PARD3: variants seen among roughly 807,000 people sequenced by gnomAD.
PARD3 encodes par-3 family cell polarity regulator.
A neutral mutation model predicts 155.4 loss-of-function variants in PARD3; 75 were observed. The ratio of observed to expected loss-of-function variants is 0.48; its 90% CI spans 0.40 to 0.58. The LOEUF is 0.58. Among genes scored for constraint, PARD3 ranks in the 20% least tolerant of loss-of-function variants. The pLI, the probability that PARD3 is intolerant of heterozygous loss-of-function variation, is 0.00. For synonymous variants in PARD3, 576 were observed against 610.5 expected, an observed-to-expected ratio of 0.94 and a Z score of 0.83; for missense variants, 1,642 against 1,721.7, an observed-to-expected ratio of 0.95 and a Z score of 0.82.
chr10:34,211,580 G>A (rs1014891431), intron 22 of PARD3, among the ~76,000 whole-genome samples: 5 of 152,238 alleles, frequency 3.3e-5, no homozygotes, highest in African/African-American at 1.2e-4. Flanking sequence ...TCAGGAGTTC[G>A]AGACTAGCCT....
chr10:34,806,400 T>C (rs1843390378), intron 1 of PARD3, among the ~76,000 whole-genome samples: 1 of 152,122 alleles, frequency 6.6e-6, no homozygotes, highest in African/African-American at 2.4e-5. Context: ...TTCACTACTT[T>C]GGCCAGGCTC....
intron 2 of PARD3, among the ~76,000 whole-genome samples, chr10:34,637,538 T>C (rs1479147414): frequency 6.6e-6 from 1 of 152,220 alleles, no homozygotes; most frequent in Admixed American, 6.5e-5. Flanking sequence ...TTCACTACAA[T>C]GCTTTGTCAC....
intron 22 of PARD3, among the ~76,000 whole-genome samples, chr10:34,251,273 T>C (rs1033087752): frequency 2.6e-5 from 4 of 152,176 alleles, no homozygotes; most frequent in Non-Finnish European, 5.9e-5. Context: ...ATCATACCCA[T>C]GCAAAAACAA....
At chr10:34,514,502 G>A (rs2081588702) in intron 3 of PARD3, among the ~76,000 whole-genome samples, 1 of 152,158 alleles carries the variant, frequency 6.6e-6, no homozygotes. Context: ...GGTGACTCAT[G>A]TGTGATGCAT....
intron 15 of PARD3, chr10:34,344,336 G>C: frequency 1.1e-6 from 1 of 917,188 alleles, no homozygotes; most frequent in Non-Finnish European, 1.3e-6. Flanking sequence ...AGGCTGGAGT[G>C]CTGTGGTACG....
intron 22 of PARD3, among the ~76,000 whole-genome samples, chr10:34,211,728 C>T (rs906978156): frequency 2.6e-5 from 4 of 151,400 alleles, no homozygotes; most frequent in Non-Finnish European, 4.4e-5. Context: ...TGCAGTGAGC[C>T]GAGATCGAGC....
chr10:34,353,728 A>AAATAAAT lies in PARD3; in HGVS notation c.2067+5418_2067+5419insATTTATT, dbSNP rs1564620159. ...AATGATCAATAAATAAATAAATAAA[A>AAATAAAT]AAATAAATAAATAAATAAATAAAAT... On this transcript the variant is annotated intron_variant, in intron 14 of 24. Coordinates refer to ENST00000374788, the MANE Select transcript of PARD3 (RefSeq NM_001184785.2). Among the ~76,000 whole-genome samples the AAATAAAT allele has an allele frequency of 1.3e-3, 141 of 106,052 alleles. 1 individual carries two copies. The highest frequency in any genetic ancestry group is 5.3e-3 in the Middle Eastern group (1 of 190). The allele number at this position is 106,052 out of a possible 152,430, so 69.6% of individuals were successfully genotyped here.
intron 5 of PARD3, among the ~76,000 whole-genome samples, chr10:34,409,547 T>C (rs1334262794): frequency 1.3e-5 from 2 of 152,182 alleles, no homozygotes; most frequent in African/African-American, 4.8e-5. Flanking sequence ...CGCATTCCTA[T>C]ACATATTTAT....
chr10:34,652,513 C>A (rs2093042884), intron 2 of PARD3, among the ~76,000 whole-genome samples: 1 of 152,190 alleles, frequency 6.6e-6, no homozygotes, highest in African/African-American at 2.4e-5. Flanking sequence ...GTGAAGCCAG[C>A]AGGGTAGAGA....
At chr10:34,507,319 T>A (rs1053148608) in intron 3 of PARD3, among the ~76,000 whole-genome samples, 1 of 151,872 alleles carries the variant, frequency 6.6e-6, no homozygotes, top group East Asian at 1.9e-4. Flanking sequence ...TATTTCTGAG[T>A]GGGGTGCAGG....
chr10:34,311,586 T>C (rs192302809), intron 20 of PARD3, among the ~76,000 whole-genome samples: 1 of 152,334 alleles, frequency 6.6e-6, no homozygotes, highest in East Asian at 1.9e-4. Flanking sequence ...GGGCAGACTC[T>C]TTCCAGAAAC....
intron 1 of PARD3, among the ~76,000 whole-genome samples, chr10:34,759,002 G>A (rs540057185): frequency 6.6e-5 from 10 of 151,810 alleles, no homozygotes; most frequent in South Asian, 2.1e-4. Context: ...AGAAAGAGGC[G>A]GAAGGAAAAA....
chr10:34,771,175 T>C lies in PARD3; in HGVS notation c.120+43701A>G, dbSNP rs551871056. 2.6e-5 allele frequency among the ~76,000 whole-genome samples: 4 copies of C among 152,338 alleles called. No individual in the cohort carries two copies. In the South Asian group the frequency reaches 6.2e-4, roughly 24 times the overall value. On this transcript the variant is annotated intron_variant, in intron 1 of 24. Coordinates refer to ENST00000374788, the MANE Select transcript of PARD3 (RefSeq NM_001184785.2). The stretch of plus-strand genomic sequence containing the variant: ...TAAATTCATAATGTCTTTTAAAAGT[T>C]TGCATTCCTCTGATTAAAATGTTCT...
At chr10:34,204,897 T>C (rs1951397129) in intron 22 of PARD3, among the ~76,000 whole-genome samples, 1 of 152,220 alleles carries the variant, frequency 6.6e-6, no homozygotes. Flanking sequence ...ACAAGTCCAT[T>C]AATTTTTATA....
At chr10:34,653,028 A>G (rs1184545827) in intron 2 of PARD3, among the ~76,000 whole-genome samples, 1 of 152,214 alleles carries the variant, frequency 6.6e-6, no homozygotes, top group Non-Finnish European at 1.5e-5. Context: ...GCAAAAAACA[A>G]CAACAACAAC....
chr10:34,259,233 A>C (rs1954825357), intron 22 of PARD3, among the ~76,000 whole-genome samples: 1 of 152,198 alleles, frequency 6.6e-6, no homozygotes, highest in Admixed American at 6.5e-5. Context: ...TGGGTACTGC[A>C]ACAAATCACC....
At position 34,648,372 on chromosome 10, in the gene PARD3, C is replaced by G. The variant is rs530826577; in HGVS notation, c.222+47946G>C. Among the ~76,000 whole-genome samples the G allele has an allele frequency of 7.2e-5, 11 of 152,284 alleles. No homozygotes were observed. The South Asian group carries it at 1.9e-3, about 26-fold the overall frequency. On this transcript the variant is annotated intron_variant, in intron 2 of 24. Transcript: ENST00000374788. ...GCCGTGAATGGCTCATCTTTTCATGCTGGTGTGCTGCTTGGAGTCTCTCAG... is the reference window on the plus strand; with the variant it reads ...GCCGTGAATGGCTCATCTTTTCATGGTGGTGTGCTGCTTGGAGTCTCTCAG...
chr10:34,446,044 A>C (rs1291603641), intron 5 of PARD3, among the ~76,000 whole-genome samples: 3 of 152,204 alleles, frequency 2.0e-5, no homozygotes, highest in African/African-American at 7.2e-5. Context: ...CCAGCCAACA[A>C]ACATGATCAG....
chr10:34,430,518 G>A (rs773955), intron 5 of PARD3, among the ~76,000 whole-genome samples: 74,214 of 151,936 alleles, frequency 0.49, 20,834 homozygotes, highest in Non-Finnish European at 0.62. Context: ...ACTAGCATAC[G>A]GTAACTAAAA....
Sources: allele counts gnomAD v4.1 joint callset (sites outside exome capture counted in the v4.1 genomes callset), GRCh38; gene constraint gnomAD v4.1.1; transcripts MANE v1.5; gene names NCBI Gene and HGNC (gene_info 2026-07-23, HGNC 2026-07-21).